The following IFT172 variants were observed in gnomAD, a reference collection of about 807,000 sequenced individuals.
The protein encoded by IFT172 is intraflagellar transport protein 172 homolog.
In IFT172, 164 loss-of-function variants were observed where a neutral mutation model predicts 248.9. That is an observed-to-expected ratio of 0.66 (90% confidence interval 0.58 to 0.75). IFT172 has a LOEUF of 0.75. Ranked by LOEUF, IFT172 falls within the 30% of genes least tolerant of loss-of-function variation. The pLI is 0.00. For missense variants in IFT172, 1,950 were observed against 2,192.4 expected (o/e 0.89, Z 2.21); for synonymous variants, 729 against 791.6 (o/e 0.92, Z 1.33).
intron 35 of IFT172, among the ~76,000 whole-genome samples, chr2:27,452,118 T>C (rs1441856187): frequency 1.3e-5 from 2 of 152,158 alleles, no homozygotes; most frequent in Admixed American, 6.5e-5. Context: ...AACATTTAAA[T>C]TGGTAGACTG....
chr2:27,481,425 TCACACACACA>T lies in IFT172; in HGVS notation c.571-175_571-166del, dbSNP rs71401571. 1.6e-3 allele frequency among the ~76,000 whole-genome samples: 234 copies of T among 145,238 alleles called. 1 individual carries two copies. The highest frequency in any genetic ancestry group is 2.7e-3 in the Non-Finnish European group (175 of 65,644). ...CTAATCCTGAACTCTTCACAAATTG[TCACACACACA>T]CACACACACACACACACATACACAC... On this transcript the variant is annotated intron_variant, in intron 7 of 47. Coordinates refer to ENST00000260570, the MANE Select transcript of IFT172 (RefSeq NM_015662.3).
Position 27,476,704 on chromosome 2 carries a change from G to C in IFT172, c.1348C>G (p.Gln450Glu). ...LISVRINERC[Q>E]RGTEDNKKLA... is the part of the protein sequence containing the mutation. ...TTCTTATTATCTTCTGTTCCTCGCT[G>C]ACACCTCTCATTAATACGAACACTG... Residue 450 changes from glutamine (Q) to glutamate (E), a missense_variant, in exon 14 of 48, where the codon CAG (glutamine) becomes GAG (glutamate). By Grantham distance (29) the Gln-to-Glu change is conservative. Around this residue, in one of 3 missense-constraint regions of IFT172, gnomAD observed 1,166 missense variants for 1,254.1 expected, o/e 0.93. Transcript: ENST00000260570. 1 of 1,612,480 alleles carries C rather than the reference G, an allele frequency of 6.2e-7. No homozygotes were observed. Among genetic ancestry groups the C allele is most frequent in the East Asian group, 2.2e-5 (1 of 44,852 alleles).
At chr2:27,488,477 G>T (rs1181592251) in intron 1 of IFT172, among the ~76,000 whole-genome samples, 3 of 152,106 alleles carry the variant, frequency 2.0e-5, no homozygotes, top group East Asian at 1.9e-4. Flanking sequence ...AGAGGTCTTG[G>T]AATCTTGGGC....
chr2:27,473,839 C>T (rs554082387), intron 14 of IFT172, among the ~76,000 whole-genome samples: 5 of 151,838 alleles, frequency 3.3e-5, no homozygotes, highest in African/African-American at 1.2e-4. Context: ...CAGAGTTTCA[C>T]TCTTCTCACC....
Position 27,476,743 on chromosome 2 carries a change from G to A in IFT172, c.1326-17C>T, listed in dbSNP as rs969211942. Reference sequence around the variant, plus strand: ...ATACGAACACTGAAACATGAAGGGTGAGGTAAGGCAAAATGGGCTGAGGTA... The same window carrying A: ...ATACGAACACTGAAACATGAAGGGTAAGGTAAGGCAAAATGGGCTGAGGTA... On this transcript the variant is annotated splice_polypyrimidine_tract_variant and intron_variant, in intron 13 of 47. Transcript: ENST00000260570. 5.1e-5 allele frequency: 80 copies of A among 1,561,122 alleles called. No homozygotes were observed. The highest frequency in any genetic ancestry group is 6.8e-5 in the Non-Finnish European group (77 of 1,132,518).
chr2:27,477,149 C>A (rs563266706), intron 13 of IFT172, 68 bp downstream of exon 13: 9 of 1,368,758 alleles, frequency 6.6e-6, no homozygotes, highest in Admixed American at 1.7e-5. Context: ...AACTGGAGGA[C>A]ACAGAATTTA....
At chr2:27,451,491 C>T (rs574413782) in intron 35 of IFT172, among the ~76,000 whole-genome samples, 8 of 152,304 alleles carry the variant, frequency 5.3e-5, no homozygotes, top group African/African-American at 1.9e-4. Flanking sequence ...AGGCCAGGCA[C>T]GGTGGCTCAC....
In IFT172 at chr2:27,483,600, G is replaced by A. The variant is rs569843289; in HGVS notation, c.462C>T (p.Tyr154=). 5.6e-6 allele frequency: 9 copies of A among 1,614,024 alleles called. No individual in the cohort carries two copies. In the East Asian group the frequency reaches 6.7e-5, roughly 12 times the overall value. The change falls in exon 6 of 48, where the codon TAC becomes TAT. Residue 154 remains tyrosine, a synonymous_variant. Coordinates refer to ENST00000260570, the MANE Select transcript of IFT172 (RefSeq NM_015662.3). Reference sequence around the variant, plus strand: ...CTCACTTTGTTGTCAGGGACACCACGTAAGACTCTGTCCCATAGATGGTAG... The same window carrying A: ...CTCACTTTGTTGTCAGGGACACCACATAAGACTCTGTCCCATAGATGGTAG... ...KSSTIYGTES[Y]VVSLTTNCSG...
intron 12 of IFT172, 64 bp from the exon 13 acceptor site, chr2:27,477,384 G>T: frequency 1.4e-6 from 2 of 1,395,774 alleles, no homozygotes; most frequent in Non-Finnish European, 2.0e-6. Context: ...AGTGGGAGGT[G>T]TACTGTCAGT....
Position 27,485,897 on chromosome 2 carries a change from G to C in IFT172, c.40-394C>G, listed in dbSNP as rs919796328. 3.3e-5 allele frequency among the ~76,000 whole-genome samples: 5 copies of C among 152,194 alleles called. No homozygotes were observed. In the East Asian group the frequency reaches 7.7e-4, roughly 23 times the overall value. On this transcript the variant is annotated intron_variant, in intron 1 of 47. Coordinates refer to ENST00000260570, the MANE Select transcript of IFT172 (RefSeq NM_015662.3). ...ATCAAGGCACTTGGCCAGGGGCTGA[G>C]AGAGAGACAAAAAGCAAACCATAGA...
At position 27,454,596 on chromosome 2, in the gene IFT172, G is replaced by A. The variant is rs1666001827; in HGVS notation, c.3436C>T (p.Leu1146Phe). 1 of 1,614,094 alleles carries A rather than the reference G, an allele frequency of 6.2e-7. No homozygotes were observed. Among genetic ancestry groups the A allele is most frequent in the Non-Finnish European group, 8.5e-7 (1 of 1,180,012 alleles). The change falls in exon 31 of 48, where the codon CTC becomes TTC. Residue 1146 changes from leucine (L) to phenylalanine (F), a missense_variant. By Grantham distance (22) the Leu-to-Phe change is conservative. Transcript: ENST00000260570. The surrounding 1 kb of genome is among the most constrained non-coding windows in gnomAD (Gnocchi z 4.2). ...TCCTCCAGGAACATAGCATATTTGA[G>A]ATGAACCTCGGGGGTTTTGTGCTTG... Reference protein sequence around the residue: ...ALKHKTPEVHLKYAMFLEDEG... With the variant: ...ALKHKTPEVHFKYAMFLEDEG...
intron 1 of IFT172, among the ~76,000 whole-genome samples, chr2:27,485,952 A>G (rs1158245777): frequency 6.6e-6 from 1 of 152,252 alleles, no homozygotes; most frequent in Non-Finnish European, 1.5e-5. Context: ...AAGATGGTGC[A>G]AAATAGAAAA....
chr2:27,486,827 G>C (rs573528760), intron 1 of IFT172, among the ~76,000 whole-genome samples: 9 of 152,278 alleles, frequency 5.9e-5, no homozygotes, highest in African/African-American at 1.9e-4. Flanking sequence ...CCATTAGGGC[G>C]GAGAAATTTT....
At chr2:27,465,919 G>A (rs777833426) in intron 16 of IFT172, 37 bp from the exon 17 acceptor site, 4 of 1,612,920 alleles carry the variant, frequency 2.5e-6, no homozygotes, top group Non-Finnish European at 3.4e-6. Flanking sequence ...CCCAATTTCA[G>A]GTTAGTTTCC....
intron 14 of IFT172, among the ~76,000 whole-genome samples, chr2:27,473,668 C>T (rs189319553): frequency 3.9e-5 from 6 of 152,100 alleles, no homozygotes; most frequent in African/African-American, 9.6e-5. Flanking sequence ...AGAGTGGCGA[C>T]GGCCCTAACT....
chr2:27,471,470 T>G (rs1667566793), intron 15 of IFT172, among the ~76,000 whole-genome samples: 1 of 152,200 alleles, frequency 6.6e-6, no homozygotes, highest in African/African-American at 2.4e-5. Context: ...GTTGTCTCTT[T>G]GATCTGAGGT....
At position 27,445,370 on chromosome 2, in the gene IFT172, T is replaced by A; in HGVS notation, c.4994A>T (p.Asp1665Val). 1.2e-6 allele frequency: 2 copies of A among 1,612,918 alleles called. No individual in the cohort carries two copies. The highest frequency in any genetic ancestry group is 1.7e-6 in the Non-Finnish European group (2 of 1,179,680). The change falls in exon 46 of 48, where the codon GAT becomes GTT. Residue 1665 changes from aspartate (D) to valine (V), a missense_variant. Around this residue, in one of 3 missense-constraint regions of IFT172, gnomAD observed 620 missense variants for 699.0 expected, o/e 0.89. Transcript: ENST00000260570. This position sits in a 1 kb window ranked among gnomAD's most constrained non-coding sequence, Gnocchi z 4.4. ...DQRLEQVLPR[D>V]ERGAYEASLV... ...GGAGGCCTCGTAGGCGCCACGCTCA[T>A]CCCGAGGCAGAACCTGCTCCAGCCG...
intron 26 of IFT172, 110 bp downstream of exon 26, chr2:27,458,669 C>T (rs910276139): frequency 7.8e-6 from 10 of 1,281,286 alleles, no homozygotes; most frequent in Admixed American, 6.9e-5. Context: ...TTTTGGTACT[C>T]TTTGTCAGCT....
Position 27,478,173 on chromosome 2 carries a change from T to C in IFT172, c.1006-17A>G. ...CACAATCACCTTGGTAAAGGACAAG[T>C]GTGAGCCCCTTAGGCTTCCCCAGCC... On this transcript the variant is annotated splice_polypyrimidine_tract_variant and intron_variant, in intron 10 of 47. Coordinates refer to ENST00000260570, the MANE Select transcript of IFT172 (RefSeq NM_015662.3). 2 of 1,613,922 alleles carry C rather than the reference T, an allele frequency of 1.2e-6. No homozygotes were observed. The highest frequency in any genetic ancestry group is 1.7e-6 in the Non-Finnish European group (2 of 1,179,882).
Sources: gnomAD v4.1 joint callset for allele counts (sites outside exome capture counted in the v4.1 genomes callset) on GRCh38, gnomAD v4.1.1 for gene constraint, gnomAD v4.1.1 regional missense constraint, Gnocchi (gnomAD v3.1) non-coding constraint, MANE v1.5 for transcripts, NCBI Gene and HGNC (gene_info 2026-07-23, HGNC 2026-07-21) for gene names.